GRID2: variants seen among roughly 807,000 people sequenced by gnomAD.
GRID2 encodes glutamate receptor ionotropic, delta-2.
A neutral mutation model predicts 114.8 loss-of-function variants in GRID2; 33 were observed. The observed-to-expected ratio is 0.29, with a 90% CI of 0.22 to 0.38. GRID2 has a LOEUF of 0.38. Ranked by LOEUF, GRID2 falls within the 10% of genes least tolerant of loss-of-function variation. The pLI is 1.00. For missense variants in GRID2, 1,184 were observed against 1,257.7 expected (o/e 0.94, Z 0.89); for synonymous variants, 505 against 449.9 (o/e 1.12, Z -1.55).
At chr4:92,471,286 A>G (rs1722020913) in intron 1 of GRID2, among the ~76,000 whole-genome samples, 1 of 152,200 alleles carries the variant, frequency 6.6e-6, no homozygotes, top group Non-Finnish European at 1.5e-5. Flanking sequence ...CCTTTCAAGC[A>G]TCCAGCCTAA....
intron 1 of GRID2, among the ~76,000 whole-genome samples, chr4:92,398,054 C>A (rs1579295943): frequency 6.6e-6 from 1 of 152,084 alleles, no homozygotes; most frequent in African/African-American, 2.4e-5. Flanking sequence ...GGCACACACA[C>A]ACAAAATAAT....
At chr4:93,480,346 G>T (rs1400529250) in intron 11 of GRID2, among the ~76,000 whole-genome samples, 2 of 151,936 alleles carry the variant, frequency 1.3e-5, no homozygotes, top group African/African-American at 4.8e-5. Flanking sequence ...ATATACACTG[G>T]GTTAGTTCTG....
At chr4:93,420,423 T>C (rs1174563724) in intron 9 of GRID2, among the ~76,000 whole-genome samples, 1 of 152,180 alleles carries the variant, frequency 6.6e-6, no homozygotes, top group Non-Finnish European at 1.5e-5. Context: ...AACAACCAAA[T>C]GAGATGTCGC....
chr4:92,493,109 CAG>C (rs1316403538), intron 1 of GRID2, among the ~76,000 whole-genome samples: 1 of 107,780 alleles, frequency 9.3e-6, no homozygotes, highest in African/African-American at 3.7e-5. Flanking sequence ...AGCCGGGGGA[CAG>C]AGCAAGACTC....
chr4:92,564,804 T>C (rs1175786413), intron 1 of GRID2, among the ~76,000 whole-genome samples: 1 of 151,974 alleles, frequency 6.6e-6, no homozygotes, highest in Non-Finnish European at 1.5e-5. Flanking sequence ...CTATTTGGAA[T>C]GTCATATATT....
chr4:93,271,147 G>T (rs72872777), intron 8 of GRID2, among the ~76,000 whole-genome samples: 1 of 152,158 alleles, frequency 6.6e-6, no homozygotes, highest in Non-Finnish European at 1.5e-5. Context: ...AATATCTCTT[G>T]TCTGGGTCAA....
At chr4:93,049,102 G>A (rs1461867983) in intron 2 of GRID2, among the ~76,000 whole-genome samples, 1 of 151,972 alleles carries the variant, frequency 6.6e-6, no homozygotes, top group Non-Finnish European at 1.5e-5. Context: ...AATTATTAAA[G>A]CAATAAAATA....
chr4:93,770,305 T>A (rs1734005470), intron 15 of GRID2, among the ~76,000 whole-genome samples: 1 of 152,354 alleles, frequency 6.6e-6, no homozygotes, highest in East Asian at 1.9e-4. Flanking sequence ...TTTTATGTGA[T>A]GGATAGCTTC....
intron 13 of GRID2, among the ~76,000 whole-genome samples, chr4:93,558,931 A>T (rs1242183357): frequency 6.6e-6 from 1 of 152,202 alleles, no homozygotes; most frequent in Non-Finnish European, 1.5e-5. Context: ...CTGGTTCAGC[A>T]TATGCAAATC....
At chr4:93,312,026 T>C (rs1756073708) in intron 8 of GRID2, among the ~76,000 whole-genome samples, 1 of 152,150 alleles carries the variant, frequency 6.6e-6, no homozygotes, top group Non-Finnish European at 1.5e-5. Flanking sequence ...GAGATTTGAA[T>C]ATATGTATAT....
At chr4:92,768,708 T>G (rs1009997355) in intron 2 of GRID2, among the ~76,000 whole-genome samples, 1 of 152,122 alleles carries the variant, frequency 6.6e-6, no homozygotes, top group African/African-American at 2.4e-5. Flanking sequence ...CTTACAAGAA[T>G]GGTGGCAGGC....
chr4:92,663,779 A>T (rs1015970575), intron 2 of GRID2, among the ~76,000 whole-genome samples: 4 of 151,006 alleles, frequency 2.6e-5, no homozygotes, highest in Non-Finnish European at 4.5e-5. Flanking sequence ...ACTCTATCCC[A>T]TTAAACTAAA....
intron 8 of GRID2, among the ~76,000 whole-genome samples, chr4:93,310,733 A>C (rs2149186783): frequency 6.6e-6 from 1 of 152,304 alleles, no homozygotes; most frequent in East Asian, 1.9e-4. Flanking sequence ...TATTGTCTCA[A>C]AAAGGGAAAG....
intron 1 of GRID2, among the ~76,000 whole-genome samples, chr4:92,534,175 G>A (rs1456232593): frequency 6.6e-6 from 1 of 151,964 alleles, no homozygotes; most frequent in Non-Finnish European, 1.5e-5. Context: ...TTTAATCAAG[G>A]ATCCAGCGTT....
intron 2 of GRID2, among the ~76,000 whole-genome samples, chr4:92,622,098 A>G (rs1379085465): frequency 6.6e-6 from 1 of 151,956 alleles, no homozygotes; most frequent in Non-Finnish European, 1.5e-5. Context: ...AGTACAGTGC[A>G]GAGTGAAAAA....
rs555680754 is a variant in GRID2 at position 93,395,481 on chromosome 4, C to T, written c.1246-126C>T. The T allele has an allele frequency of 9.7e-6, 5 of 515,472 alleles. No homozygotes were observed. The South Asian group carries it at 9.7e-5, about 10-fold the overall frequency. 31.9% of individuals were successfully genotyped at this position (515,472 alleles called of 1,614,324 possible). A position where few individuals can be genotyped will look rare whatever the true frequency, so the allele number is the denominator to read the frequency against. ...CTTCATTTCCTATTTAAAAAGAAAA[C>T]CTGTGCAGTACTCTTTCCATACCAA... On this transcript the variant is annotated intron_variant, in intron 8 of 15. Transcript: ENST00000282020.
At chr4:93,448,803 T>TCCCTC (rs1722348262) in intron 10 of GRID2, among the ~76,000 whole-genome samples, 1 of 8,364 alleles carries the variant, frequency 1.2e-4, no homozygotes, top group African/African-American at 4.9e-4. Flanking sequence ...TCCCTTCCCT[T>TCCCTC]CCCTTCCCTT....
At chr4:93,218,837 A>C (rs906127705) in intron 6 of GRID2, among the ~76,000 whole-genome samples, 1 of 152,198 alleles carries the variant, frequency 6.6e-6, no homozygotes, top group Non-Finnish European at 1.5e-5. Flanking sequence ...AAGGGGAAGC[A>C]AACATGTCCT....
intron 4 of GRID2, among the ~76,000 whole-genome samples, chr4:93,191,288 T>C (rs986551261): frequency 6.6e-6 from 1 of 152,070 alleles, no homozygotes; most frequent in Admixed American, 6.6e-5. Context: ...GATCAGTTGG[T>C]AAGAAATGTT....
Sources: gnomAD v4.1 joint callset for allele counts (sites outside exome capture counted in the v4.1 genomes callset) on GRCh38, gnomAD v4.1.1 for gene constraint, MANE v1.5 for transcripts, NCBI Gene and HGNC (gene_info 2026-07-23, HGNC 2026-07-21) for gene names.